NCS1: variants seen among roughly 807,000 people sequenced by gnomAD.
The protein encoded by NCS1 is neuronal calcium sensor 1, also known as frequenin homolog.
In NCS1, 6 loss-of-function variants were observed where a neutral mutation model predicts 28.4. The ratio of observed to expected loss-of-function variants is 0.21; its 90% confidence interval spans 0.12 to 0.42. The LOEUF is 0.42. Among genes scored for constraint, NCS1 ranks in the 10% least tolerant of loss-of-function variants. The pLI is 1.00. For synonymous variants in NCS1, 86 were observed against 99.3 expected, an observed-to-expected ratio of 0.87 and a Z score of 0.79; for missense variants, 131 against 241.4, an observed-to-expected ratio of 0.54 and a Z score of 3.03.
At position 130,232,189 on chromosome 9, in the gene NCS1, C is replaced by T. The variant is rs547419766; in HGVS notation, c.*18-801C>T. ...CTTGAACTCCTGGCCTCAAGCGATC[C>T]TCCTGCCTTGGCCTCCCAAAGTGCT... On this transcript the variant is annotated intron_variant, in intron 7 of 7. Coordinates refer to ENST00000372398, the MANE Select transcript of NCS1 (RefSeq NM_014286.4). The surrounding 1 kb of genome is among the most constrained non-coding windows in gnomAD (Gnocchi z 4.4). Among the ~76,000 whole-genome samples, 9 of 152,294 alleles carry T rather than the reference C, an allele frequency of 5.9e-5. No homozygotes were observed. The South Asian group carries it at 1.9e-3, about 32-fold the overall frequency.
At chr9:130,189,458 A>C (rs1303593363) in intron 1 of NCS1, among the ~76,000 whole-genome samples, 2 of 152,120 alleles carry the variant, frequency 1.3e-5, no homozygotes, top group Non-Finnish European at 2.9e-5. Context: ...AATGGGACTG[A>C]TCCGGATCCC....
chr9:130,224,636 C>G (rs1196324266), intron 6 of NCS1, among the ~76,000 whole-genome samples: 1 of 151,690 alleles, frequency 6.6e-6, no homozygotes, highest in Admixed American at 6.6e-5. Context: ...GGGTGAGGAT[C>G]GAAACCCACC....
chr9:130,200,406 G>C (rs1379977151), intron 1 of NCS1: 1 of 642,366 alleles, frequency 1.6e-6, no homozygotes, highest in East Asian at 2.7e-5. Context: ...CTCTGTTCAT[G>C]TCTTGCCAGT....
intron 1 of NCS1, among the ~76,000 whole-genome samples, chr9:130,195,435 GTT>G (rs782788352): frequency 2.1e-5 from 3 of 142,860 alleles, no homozygotes; most frequent in African/African-American, 2.5e-5. Context: ...GCTGGGCTTT[GTT>G]TTTTTTTTTT....
chr9:130,198,065 A>G (rs1832898581), intron 1 of NCS1, among the ~76,000 whole-genome samples: 1 of 151,978 alleles, frequency 6.6e-6, no homozygotes, highest in African/African-American at 2.4e-5. Flanking sequence ...GCCAGCCTCA[A>G]CTGTTTCCTA....
chr9:130,212,046 T>C (rs1833120257), intron 2 of NCS1, among the ~76,000 whole-genome samples: 1 of 152,008 alleles, frequency 6.6e-6, no homozygotes, highest in East Asian at 1.9e-4. Flanking sequence ...GTGGAAGACA[T>C]CCATATGGAC....
At chr9:130,193,649 G>A (rs899904553) in intron 1 of NCS1, among the ~76,000 whole-genome samples, 4 of 152,158 alleles carry the variant, frequency 2.6e-5, no homozygotes, top group Non-Finnish European at 4.4e-5. Context: ...TGAACTGCAG[G>A]AGGGGCCAGC....
rs1832589283 is a variant in NCS1 at position 130,177,495 on chromosome 9, C to T, written c.64+4768C>T. Among the ~76,000 whole-genome samples the T allele has an allele frequency of 6.6e-6, 1 of 152,164 alleles. No individual in the cohort carries two copies. Among genetic ancestry groups the T allele is most frequent in the African/African-American group, 2.4e-5 (1 of 41,446 alleles). ...AAGCAAGGGAGGGGCTTCGGCCGTC[C>T]CTGTACATCCCGTGTGCGTGGGCAT... On this transcript the variant is annotated intron_variant, in intron 1 of 7. Coordinates refer to ENST00000372398, the MANE Select transcript of NCS1 (RefSeq NM_014286.4). This position sits in a 1 kb window ranked among gnomAD's most constrained non-coding sequence, Gnocchi z 4.4.
At chr9:130,187,147 T>C (rs1421864916) in intron 1 of NCS1, among the ~76,000 whole-genome samples, 1 of 151,954 alleles carries the variant, frequency 6.6e-6, no homozygotes, top group East Asian at 1.9e-4. Flanking sequence ...AGGGGAGCAA[T>C]GTGAGGCCAC....
chr9:130,218,272 C>T (rs562470879), intron 3 of NCS1, among the ~76,000 whole-genome samples: 23 of 152,344 alleles, frequency 1.5e-4, no homozygotes, highest in East Asian at 5.8e-4. Context: ...CACATGCAGG[C>T]GAATACCATG....
chr9:130,221,411 T>G (rs1193840329), intron 4 of NCS1, among the ~76,000 whole-genome samples: 20,514 of 48,906 alleles, frequency 0.42, 2,355 homozygotes, highest in Non-Finnish European at 0.48. Flanking sequence ...TATATATATA[T>G]ATAGAGAGAG....
At chr9:130,217,383 T>G (rs782647836) in intron 2 of NCS1, among the ~76,000 whole-genome samples, 1 of 152,102 alleles carries the variant, frequency 6.6e-6, no homozygotes, top group African/African-American at 2.4e-5. Flanking sequence ...CATATGGTGG[T>G]CTACCCACCA....
rs1833081423 is a variant in NCS1 at position 130,209,472 on chromosome 9, T to C, written c.90-8360T>C. On this transcript the variant is annotated intron_variant, in intron 2 of 7. Coordinates refer to ENST00000372398, the MANE Select transcript of NCS1 (RefSeq NM_014286.4). This position sits in a 1 kb window ranked among gnomAD's most constrained non-coding sequence, Gnocchi z 4.4. ...GTGTGTCCTGGGAGCATTCAATCATTGGTTCATTTGTTCACTGATTCATTC... is the reference window on the plus strand; with the variant it reads ...GTGTGTCCTGGGAGCATTCAATCATCGGTTCATTTGTTCACTGATTCATTC... Among the ~76,000 whole-genome samples, 1 of 152,180 alleles carries C rather than the reference T, an allele frequency of 6.6e-6. No individual in the cohort carries two copies. The highest frequency in any genetic ancestry group is 6.5e-5 in the Admixed American group (1 of 15,282).
In NCS1 at chr9:130,209,865, G is replaced by T. The variant is rs1364052568; in HGVS notation, c.90-7967G>T. Among the ~76,000 whole-genome samples the T allele has an allele frequency of 6.6e-6, 1 of 152,120 alleles. No homozygotes were observed. The highest frequency in any genetic ancestry group is 1.5e-5 in the Non-Finnish European group (1 of 68,028). The stretch of plus-strand genomic sequence containing the variant: ...ACCATATCAGAAACCTCGGCTTCCC[G>T]TGGCTGGGGATCGCAGGCCCCGTTC... On this transcript the variant is annotated intron_variant, in intron 2 of 7. Transcript: ENST00000372398. The surrounding 1 kb of genome is among the most constrained non-coding windows in gnomAD (Gnocchi z 4.4).
chr9:130,185,995 C>A (rs1832733524), intron 1 of NCS1, among the ~76,000 whole-genome samples: 1 of 152,250 alleles, frequency 6.6e-6, no homozygotes, highest in South Asian at 2.1e-4. Context: ...TTCTGTGGAG[C>A]TGGGGACGGC....
chr9:130,198,817 A>C (rs1832906841), intron 1 of NCS1, among the ~76,000 whole-genome samples: 1 of 152,080 alleles, frequency 6.6e-6, no homozygotes, highest in South Asian at 2.1e-4. Flanking sequence ...TGTGGCCCTG[A>C]GCTCCTGGCG....
chr9:130,216,153 G>A (rs1199569124), intron 2 of NCS1, among the ~76,000 whole-genome samples: 7 of 152,230 alleles, frequency 4.6e-5, no homozygotes, highest in Admixed American at 1.3e-4. Flanking sequence ...TTCCATGTGC[G>A]TCCTCTCTGT....
intron 6 of NCS1, among the ~76,000 whole-genome samples, chr9:130,224,610 G>A (rs1443816577): frequency 6.6e-6 from 1 of 151,610 alleles, no homozygotes; most frequent in African/African-American, 2.4e-5. Flanking sequence ...CTACTTGAGG[G>A]TGGAGGGTGA....
intron 1 of NCS1, among the ~76,000 whole-genome samples, chr9:130,189,858 C>CAAAAAAAAAAAA (rs869189538): frequency 4.6e-5 from 2 of 43,116 alleles, no homozygotes; most frequent in African/African-American, 1.7e-4. Flanking sequence ...GACTCCATCT[C>CAAAAAAAAAAAA]AAAAAAAAAA....
Sources: allele counts gnomAD v4.1 joint callset (sites outside exome capture counted in the v4.1 genomes callset), GRCh38; gene constraint gnomAD v4.1.1; non-coding constraint Gnocchi (gnomAD v3.1); transcripts MANE v1.5; gene names NCBI Gene and HGNC (gene_info 2026-07-23, HGNC 2026-07-21).